ZFP64: variants seen among roughly 807,000 people sequenced by gnomAD.
The protein encoded by ZFP64 is ZFP64 zinc finger protein.
A neutral mutation model predicts 51.6 loss-of-function variants in ZFP64; 14 were observed. The observed-to-expected ratio is 0.27, with a 90% CI of 0.18 to 0.42. The LOEUF (loss-of-function observed/expected upper bound fraction) is 0.42. ZFP64 is among the 10% of genes least tolerant of loss of function. The pLI, the probability that ZFP64 is intolerant of heterozygous loss-of-function variation, is 1.00. For missense variants in ZFP64, 754 were observed against 906.8 expected, an observed-to-expected ratio of 0.83 and a Z score of 2.16; for synonymous variants, 375 against 361.4, an observed-to-expected ratio of 1.04 and a Z score of -0.43.
At chr20:52,110,575 C>A in intron 5 of ZFP64, 1 of 717,462 alleles carries the variant, frequency 1.4e-6, no homozygotes, top group South Asian at 1.6e-5. Context: ...GTGGTCCTGC[C>A]GCTGCTTCCA....
At chr20:52,088,490 A>C in exon 8 of ZFP64, 1 of 1,614,214 alleles carries the variant, frequency 6.2e-7, no homozygotes, top group Non-Finnish European at 8.5e-7. Context: ...GTGGATCCGC[A>C]GGTGCTTCTT....
At chr20:52,086,098 A>T (rs774406455) in intron 8 of ZFP64, among the ~76,000 whole-genome samples, 1 of 152,144 alleles carries the variant, frequency 6.6e-6, no homozygotes, top group Non-Finnish European at 1.5e-5. Flanking sequence ...TTAACTCCTC[A>T]CTTGTTAGAA....
chr20:52,100,677 G>C (rs898107049), intron 5 of ZFP64, among the ~76,000 whole-genome samples: 1 of 152,184 alleles, frequency 6.6e-6, no homozygotes, highest in Non-Finnish European at 1.5e-5. Context: ...AGGAATCTTA[G>C]CATGAGAGGC....
At chr20:52,183,029 A>G (rs1055096029) in intron 2 of ZFP64, among the ~76,000 whole-genome samples, 12 of 152,158 alleles carry the variant, frequency 7.9e-5, no homozygotes, top group African/African-American at 2.9e-4. Flanking sequence ...GCTCTGACAT[A>G]AGAATTAAGG....
chr20:52,102,968 TGA>T (rs143649493), intron 5 of ZFP64, among the ~76,000 whole-genome samples: 7,034 of 152,128 alleles, frequency 0.046, 234 homozygotes, highest in Admixed American at 0.11. Flanking sequence ...ACTAGAAAAG[TGA>T]GAGAGAGGTG....
At position 52,191,496 on chromosome 20, in the gene ZFP64, C is replaced by T; in HGVS notation, c.46+95G>A. Reference sequence around the variant, plus strand: ...AGCCGTCACCCCGATTTCGGGGCCCCGGGCCTGCTGGCTGCGTCGCAGACG... The same window carrying T: ...AGCCGTCACCCCGATTTCGGGGCCCTGGGCCTGCTGGCTGCGTCGCAGACG... On this transcript the variant is annotated intron_variant, in intron 1 of 5. Coordinates refer to ENST00000216923, the MANE Select transcript of ZFP64 (RefSeq NM_018197.3). This position sits in a 1 kb window ranked among gnomAD's most constrained non-coding sequence, Gnocchi z 4.3. 1 of 1,369,890 alleles carries T rather than the reference C, an allele frequency of 7.3e-7. No homozygotes were observed. 84.9% of individuals were successfully genotyped at this position (1,369,890 alleles called of 1,614,324 possible).
At chr20:52,140,071 A>G (rs1185630236) in intron 5 of ZFP64, among the ~76,000 whole-genome samples, 1 of 152,068 alleles carries the variant, frequency 6.6e-6, no homozygotes, top group African/African-American at 2.4e-5. Flanking sequence ...GCCATGAACC[A>G]TGTCCATATA....
intron 5 of ZFP64, among the ~76,000 whole-genome samples, chr20:52,133,890 A>G (rs1184684205): frequency 1.3e-5 from 2 of 151,974 alleles, no homozygotes; most frequent in African/African-American, 4.8e-5. Context: ...TTAGCTGGGC[A>G]TGGTGGTGCA....
chr20:52,104,236 G>C (rs537469517), intron 5 of ZFP64, among the ~76,000 whole-genome samples: 2 of 152,362 alleles, frequency 1.3e-5, no homozygotes, highest in African/African-American at 4.8e-5. Context: ...TGAGATTCCA[G>C]TGGAGGCGGG....
At chr20:52,103,909 C>T (rs1568948552) in intron 5 of ZFP64, among the ~76,000 whole-genome samples, 1 of 152,172 alleles carries the variant, frequency 6.6e-6, no homozygotes, top group Non-Finnish European at 1.5e-5. Context: ...CCTCCACCAC[C>T]ACCTCGGGAA....
At chr20:52,094,889 C>G (rs1300691079) in intron 7 of ZFP64, among the ~76,000 whole-genome samples, 1 of 152,104 alleles carries the variant, frequency 6.6e-6, no homozygotes, top group Non-Finnish European at 1.5e-5. Flanking sequence ...AACCAAAATC[C>G]CAGGGGTTCT....
intron 5 of ZFP64, among the ~76,000 whole-genome samples, chr20:52,156,986 T>C (rs1035938598): frequency 1.3e-5 from 2 of 152,144 alleles, no homozygotes; most frequent in East Asian, 1.9e-4. Context: ...AGAGGGAATA[T>C]AGAAAGTCAA....
chr20:52,095,692 G>A (rs2078981081), intron 7 of ZFP64, among the ~76,000 whole-genome samples: 1 of 152,160 alleles, frequency 6.6e-6, no homozygotes, highest in Non-Finnish European at 1.5e-5. Context: ...TTTATGTCCT[G>A]GATCCCCAGC....
intron 5 of ZFP64, chr20:52,117,759 G>A (rs1978955699): frequency 2.3e-6 from 1 of 434,218 alleles, no homozygotes; most frequent in Non-Finnish European, 4.5e-6. Context: ...GAAATGCCAA[G>A]CTATACCATT....
chr20:52,085,412 CAT>C lies in ZFP64; in HGVS notation c.1229-148_1229-147del. ...CCTCCTAATGACAACACTTGTTGTG[CAT>C]ATTAATGCAATCCTCACAACAATCC... On this transcript the variant is annotated intron_variant, in intron 8 of 8. Coordinates refer to the ZFP64 transcript ENST00000361387. This position sits in a 1 kb window ranked among gnomAD's most constrained non-coding sequence, Gnocchi z 4.3. The C allele has an allele frequency of 1.2e-6, 1 of 843,434 alleles. No individual in the cohort carries two copies. Among genetic ancestry groups the C allele is most frequent in the Non-Finnish European group, 1.8e-6 (1 of 555,328 alleles). 52.2% of individuals were successfully genotyped at this position (843,434 alleles called of 1,614,324 possible).
chr20:52,087,170 C>T (rs1042863475), intron 8 of ZFP64, among the ~76,000 whole-genome samples: 1 of 152,188 alleles, frequency 6.6e-6, no homozygotes, highest in African/African-American at 2.4e-5. Context: ...CTGTCCACTC[C>T]CTTCCATCCT....
chr20:52,126,958 ATT>A (rs879661790), intron 5 of ZFP64, among the ~76,000 whole-genome samples: 2 of 139,860 alleles, frequency 1.4e-5, no homozygotes, highest in African/African-American at 2.6e-5. Flanking sequence ...CTTTGTCAGA[ATT>A]TTTTTTTTTT....
At chr20:52,116,305 T>C (rs1483230928) in intron 5 of ZFP64, among the ~76,000 whole-genome samples, 3 of 150,440 alleles carry the variant, frequency 2.0e-5, no homozygotes, top group Non-Finnish European at 4.4e-5. Flanking sequence ...ACGGCTTATT[T>C]TTGTATTTTT....
chr20:52,096,696 C>G (rs1452608406), intron 7 of ZFP64: 2 of 186,110 alleles, frequency 1.1e-5, no homozygotes, highest in South Asian at 2.2e-4. Context: ...CGAGACCAGC[C>G]TGGCCAACAT....
Sources: allele counts gnomAD v4.1 joint callset (sites outside exome capture counted in the v4.1 genomes callset), GRCh38; gene constraint gnomAD v4.1.1; non-coding constraint Gnocchi (gnomAD v3.1); transcripts MANE v1.5; gene names NCBI Gene and HGNC (gene_info 2026-07-23, HGNC 2026-07-21).